The following GNG2 variants were observed in gnomAD, a reference collection of about 807,000 sequenced individuals.
GNG2 encodes the protein G protein subunit gamma 2.
Under a neutral mutation model 5.5 loss-of-function variants are expected in GNG2, and 5 were observed. The ratio of observed to expected loss-of-function variants is 0.91; its 90% CI spans 0.48 to 1.92. The LOEUF (loss-of-function observed/expected upper bound fraction) is 1.92. Ranked by LOEUF, GNG2 falls within the 30% of genes most tolerant of loss-of-function variation. The pLI, the probability that GNG2 is intolerant of heterozygous loss-of-function variation, is 0.01. For synonymous variants in GNG2, 28 were observed against 32.0 expected (o/e 0.88, Z 0.42); for missense variants, 55 against 88.4 (o/e 0.62, Z 1.52).
At chr14:51,832,296 AGAAAAG>A (rs1465468781) in intron 2 of GNG2, among the ~76,000 whole-genome samples, 1 of 151,224 alleles carries the variant, frequency 6.6e-6, no homozygotes, top group African/African-American at 2.4e-5. Flanking sequence ...AAAAAAAAAA[AGAAAAG>A]AAAAAGATGG....
chr14:51,918,314 G>C lies in GNG2; in HGVS notation c.-29-32336G>C, dbSNP rs189176809. ...CTGCTTCTGGCCAATTTTGCTTCCT[G>C]GTTGTCCTCATGTAGACATGAGTCC... On this transcript the variant is annotated intron_variant, in intron 2 of 3. Coordinates refer to ENST00000556766, the MANE Select transcript of GNG2 (RefSeq NM_053064.5). Among the ~76,000 whole-genome samples, 71 of 152,054 alleles carry C rather than the reference G, an allele frequency of 4.7e-4. 1 individual carries two copies. Among genetic ancestry groups the C allele is most frequent in the Admixed American group, 7.9e-4 (12 of 15,286 alleles).
At chr14:51,964,511 CAT>C (rs1384022657) in intron 3 of GNG2, among the ~76,000 whole-genome samples, 1 of 152,136 alleles carries the variant, frequency 6.6e-6, no homozygotes, top group Non-Finnish European at 1.5e-5. Context: ...TCACTCCTAC[CAT>C]ATGTCAATCA....
At chr14:51,950,938 G>A (rs79486189) in intron 3 of GNG2, among the ~76,000 whole-genome samples, 173 bp downstream of exon 3, 4,977 of 151,918 alleles carry the variant, frequency 0.033, 192 homozygotes, top group East Asian at 0.14. Flanking sequence ...ATAATAGAAT[G>A]AATTAGATCC....
chr14:51,928,496 T>G (rs1473505738), intron 2 of GNG2, among the ~76,000 whole-genome samples: 1 of 152,190 alleles, frequency 6.6e-6, no homozygotes, highest in African/African-American at 2.4e-5. Context: ...GCCACAACTG[T>G]TGCCAGCCTC....
At chr14:51,914,295 C>G (rs544116035) in intron 2 of GNG2, 2 of 701,882 alleles carry the variant, frequency 2.8e-6, no homozygotes, top group Non-Finnish European at 5.2e-6. Context: ...AAAGGACTGC[C>G]GTCTCAGGCC....
intron 2 of GNG2, among the ~76,000 whole-genome samples, chr14:51,946,497 C>T (rs1888651218): frequency 6.6e-6 from 1 of 152,042 alleles, no homozygotes; most frequent in Non-Finnish European, 1.5e-5. Context: ...AATAAAAAAC[C>T]ATTGGGTGGA....
chr14:51,930,701 AGAG>A (rs1204173886), intron 2 of GNG2, among the ~76,000 whole-genome samples: 2 of 152,212 alleles, frequency 1.3e-5, no homozygotes, highest in African/African-American at 4.8e-5. Flanking sequence ...TGATTTATAC[AGAG>A]AAGAGGTTTA....
intron 2 of GNG2, among the ~76,000 whole-genome samples, chr14:51,908,164 A>T (rs573619324): frequency 2.2e-4 from 34 of 152,330 alleles, no homozygotes; most frequent in Admixed American, 4.6e-4. Flanking sequence ...TTCTAAGCTC[A>T]TTCATATGGC....
At chr14:51,841,654 A>T in intron 2 of GNG2, 1 of 660,188 alleles carries the variant, frequency 1.5e-6, no homozygotes, top group Non-Finnish European at 2.8e-6. Flanking sequence ...ACATTAAGGC[A>T]CATGAAAAGG....
chr14:51,959,089 T>G (rs540535686), intron 3 of GNG2, among the ~76,000 whole-genome samples: 1 of 152,314 alleles, frequency 6.6e-6, no homozygotes, highest in South Asian at 2.1e-4. Flanking sequence ...GCTACTCCTT[T>G]TAATTCTCCT....
intron 1 of GNG2, among the ~76,000 whole-genome samples, chr14:51,870,683 G>A (rs1883240399): frequency 6.6e-6 from 1 of 152,210 alleles, no homozygotes; most frequent in African/African-American, 2.4e-5. Flanking sequence ...TTCTGATTAT[G>A]AGTTATTTAG....
intron 1 of GNG2, among the ~76,000 whole-genome samples, chr14:51,873,637 TCTTTC>T (rs1883452387): frequency 6.6e-6 from 1 of 152,216 alleles, no homozygotes; most frequent in Admixed American, 6.5e-5. Context: ...AAAAATAGTT[TCTTTC>T]TCTGATATAT....
intron 2 of GNG2, among the ~76,000 whole-genome samples, chr14:51,929,789 G>T (rs1187456623): frequency 2.6e-5 from 4 of 152,116 alleles, no homozygotes; most frequent in African/African-American, 9.7e-5. Context: ...ACAATATGAG[G>T]CTGGCGTCGA....
chr14:51,953,084 C>T (rs1448884883), intron 3 of GNG2, among the ~76,000 whole-genome samples: 1 of 152,156 alleles, frequency 6.6e-6, no homozygotes, highest in Non-Finnish European at 1.5e-5. Flanking sequence ...GCCCCTCTAC[C>T]TTGCTGCTTT....
chr14:51,877,982 C>T (rs963040572), intron 2 of GNG2: 3 of 206,814 alleles, frequency 1.5e-5, no homozygotes, highest in Non-Finnish European at 3.0e-5. Flanking sequence ...GAGGGCATAC[C>T]CTGTGCAAGA....
chr14:51,933,997 T>C (rs938138261), intron 2 of GNG2, among the ~76,000 whole-genome samples: 2 of 152,172 alleles, frequency 1.3e-5, no homozygotes, highest in African/African-American at 2.4e-5. Context: ...GAGACCAGCT[T>C]TCATGATGTG....
At chr14:51,880,522 C>A (rs537378560) in intron 2 of GNG2, among the ~76,000 whole-genome samples, 1 of 152,222 alleles carries the variant, frequency 6.6e-6, no homozygotes, top group African/African-American at 2.4e-5. Context: ...TAAAAATCAT[C>A]TTTTGAGTAG....
intron 2 of GNG2, among the ~76,000 whole-genome samples, chr14:51,922,916 G>A (rs1463011217): frequency 6.6e-6 from 1 of 152,176 alleles, no homozygotes; most frequent in African/African-American, 2.4e-5. Context: ...AAAGCCTTGT[G>A]TATAATGCCA....
chr14:51,891,396 A>G (rs959642161), intron 2 of GNG2, among the ~76,000 whole-genome samples: 4 of 152,236 alleles, frequency 2.6e-5, no homozygotes, highest in African/African-American at 9.6e-5. Flanking sequence ...TTCTGTGTCT[A>G]TATGTGTATG....
Sources: allele counts gnomAD v4.1 joint callset (sites outside exome capture counted in the v4.1 genomes callset), GRCh38; gene constraint gnomAD v4.1.1; transcripts MANE v1.5; gene names NCBI Gene and HGNC (gene_info 2026-07-23, HGNC 2026-07-21).